PRKG1: variants seen among roughly 807,000 people sequenced by gnomAD.
PRKG1 encodes the protein cGMP-dependent protein kinase 1.
PRKG1 carries 35 observed loss-of-function variants against 88.1 expected under a neutral mutation model. The observed-to-expected ratio is 0.40, with a 90% CI of 0.30 to 0.53. The LOEUF is 0.53. Ranked by LOEUF, PRKG1 falls within the 20% of genes least tolerant of loss-of-function variation. PRKG1 has a pLI of 0.59. For missense variants in PRKG1, 540 were observed against 839.8 expected (o/e 0.64, Z 4.41); for synonymous variants, 303 against 292.5 (o/e 1.04, Z -0.37).
chr10:52,075,686 TCA>T (rs1292124189), intron 7 of PRKG1, among the ~76,000 whole-genome samples: 1 of 152,218 alleles, frequency 6.6e-6, no homozygotes, highest in Non-Finnish European at 1.5e-5. Flanking sequence ...ATTTATTTTC[TCA>T]CAGTTTTAAC....
intron 3 of PRKG1, among the ~76,000 whole-genome samples, chr10:51,547,712 A>T (rs1842474742): frequency 1.3e-5 from 2 of 152,112 alleles, no homozygotes; most frequent in South Asian, 4.1e-4. Context: ...TTACCAATCT[A>T]TTATTATGTT....
At chr10:52,098,054 A>T (rs1847213303) in intron 7 of PRKG1, among the ~76,000 whole-genome samples, 1 of 152,176 alleles carries the variant, frequency 6.6e-6, no homozygotes, top group Non-Finnish European at 1.5e-5. Context: ...TAAGGAAAAA[A>T]TTTAGTTGAG....
At chr10:51,398,462 C>T (rs886187895) in intron 2 of PRKG1, among the ~76,000 whole-genome samples, 9 of 152,134 alleles carry the variant, frequency 5.9e-5, no homozygotes, top group Non-Finnish European at 7.3e-5. Context: ...ATGGGGTCCA[C>T]GCCCCAGGAT....
intron 5 of PRKG1, among the ~76,000 whole-genome samples, chr10:51,980,657 G>A (rs1452493932): frequency 6.6e-6 from 1 of 152,116 alleles, no homozygotes; most frequent in African/African-American, 2.4e-5. Flanking sequence ...TTATAAATCT[G>A]GGTGCTCCTC....
At chr10:51,024,441 T>C (rs1353281379) in intron 1 of PRKG1, among the ~76,000 whole-genome samples, 1 of 152,222 alleles carries the variant, frequency 6.6e-6, no homozygotes. Context: ...TACTAAGTTC[T>C]ACGTACTTGA....
chr10:52,183,719 T>C (rs898454380), intron 9 of PRKG1, among the ~76,000 whole-genome samples: 2 of 152,102 alleles, frequency 1.3e-5, no homozygotes, highest in African/African-American at 4.8e-5. Context: ...CTCAAGATGG[T>C]GCCATGATGC....
At chr10:51,479,650 T>G (rs1348587583) in intron 3 of PRKG1, among the ~76,000 whole-genome samples, 2 of 152,144 alleles carry the variant, frequency 1.3e-5, no homozygotes, top group African/African-American at 4.8e-5. Context: ...CATTGGTCCA[T>G]GCAACTTAAT....
At chr10:51,567,901 T>C (rs72795186) in intron 3 of PRKG1, among the ~76,000 whole-genome samples, 21,564 of 152,058 alleles carry the variant, frequency 0.14, 1,644 homozygotes, top group African/African-American at 0.19. Flanking sequence ...AGCATTTCAT[T>C]TGAAGTTTTG....
chr10:51,129,083 T>G (rs1845501195), intron 1 of PRKG1, among the ~76,000 whole-genome samples: 1 of 152,238 alleles, frequency 6.6e-6, no homozygotes, highest in Non-Finnish European at 1.5e-5. Context: ...TGACATATTA[T>G]GTTTGTAAGC....
At chr10:51,660,586 T>C (rs1840274758) in intron 3 of PRKG1, among the ~76,000 whole-genome samples, 1 of 152,162 alleles carries the variant, frequency 6.6e-6, no homozygotes, top group Non-Finnish European at 1.5e-5. Context: ...CTCATACTCA[T>C]TTCCCTACCT....
chr10:51,933,937 A>C (rs957164495), intron 5 of PRKG1, among the ~76,000 whole-genome samples: 10 of 152,288 alleles, frequency 6.6e-5, no homozygotes, highest in Admixed American at 5.9e-4. Context: ...ATCATCTTAA[A>C]AAATAGTTAG....
chr10:51,798,014 A>T (rs1839062162), intron 3 of PRKG1, among the ~76,000 whole-genome samples: 2 of 152,226 alleles, frequency 1.3e-5, no homozygotes, highest in South Asian at 4.1e-4. Context: ...ATTTAATTGT[A>T]TGTATACACC....
intron 5 of PRKG1, among the ~76,000 whole-genome samples, chr10:51,997,123 G>T (rs953909193): frequency 2.0e-5 from 3 of 152,064 alleles, no homozygotes; most frequent in African/African-American, 7.2e-5. Context: ...GGATGCTTGG[G>T]GGGTAGAGGG....
intron 2 of PRKG1, among the ~76,000 whole-genome samples, chr10:51,356,568 C>A (rs146844685): frequency 6.6e-6 from 1 of 151,920 alleles, no homozygotes; most frequent in African/African-American, 2.4e-5. Context: ...TTCTGTCTCC[C>A]TCCCCTACTC....
At chr10:51,848,851 A>ATGT (rs60810416) in intron 4 of PRKG1, among the ~76,000 whole-genome samples, 8,845 of 131,440 alleles carry the variant, frequency 0.067, 729 homozygotes, top group African/African-American at 0.19. Flanking sequence ...TTGCGTTTCT[A>ATGT]TTTTTTTTTT....
intron 1 of PRKG1, among the ~76,000 whole-genome samples, chr10:51,027,260 A>G (rs1315517452): frequency 1.3e-5 from 2 of 152,192 alleles, no homozygotes; most frequent in Non-Finnish European, 1.5e-5. Context: ...TGGCTTTAGC[A>G]TCTCATTGAT....
At chr10:51,501,423 T>A (rs1395301321) in intron 3 of PRKG1, among the ~76,000 whole-genome samples, 1 of 152,152 alleles carries the variant, frequency 6.6e-6, no homozygotes, top group Non-Finnish European at 1.5e-5. Context: ...CTGGATACTT[T>A]TCATCTTGGG....
intron 4 of PRKG1, among the ~76,000 whole-genome samples, chr10:51,834,232 T>C (rs1840071548): frequency 6.6e-6 from 1 of 152,186 alleles, no homozygotes. Context: ...CCTCTTATCA[T>C]CTTTATGATA....
In PRKG1 at chr10:51,615,930, A is replaced by T. The variant is rs557469443; in HGVS notation, c.592+148094A>T. On this transcript the variant is annotated intron_variant, in intron 3 of 17. Transcript: ENST00000373980. ...TCTGACCTTGATATCTGCACATCTG[A>T]TGTAATAGTCACTTCCTCCCATTTT... Among the ~76,000 whole-genome samples the T allele has an allele frequency of 4.6e-5, 7 of 152,100 alleles. No homozygotes were observed. The South Asian group carries it at 1.2e-3, about 27-fold the overall frequency.
Sources: allele counts gnomAD v4.1 joint callset (sites outside exome capture counted in the v4.1 genomes callset), GRCh38; gene constraint gnomAD v4.1.1; transcripts MANE v1.5; gene names NCBI Gene and HGNC (gene_info 2026-07-23, HGNC 2026-07-21).